Variants in ANKRD45 observed in about 807,000 individuals in gnomAD.
ANKRD45 encodes ankyrin repeat domain-containing protein 45.
In ANKRD45, 21 loss-of-function variants were observed where a neutral mutation model predicts 28.1. The ratio of observed to expected loss-of-function variants is 0.75; its 90% CI spans 0.53 to 1.08. The LOEUF is 1.08. ANKRD45 is among the 50% of genes least tolerant of loss of function. ANKRD45 has a pLI of 0.00. For missense variants in ANKRD45, 261 were observed against 308.7 expected (o/e 0.85, Z 1.16); for synonymous variants, 86 against 103.9 (o/e 0.83, Z 1.05).
At chr1:173,678,003 ATAACT>A in the ANKRD45 span, among the ~76,000 whole-genome samples, 9 of 152,334 alleles carry the variant, frequency 5.9e-5, no homozygotes, top group East Asian at 1.5e-3. Flanking sequence ...GTGGGGAAAA[ATAACT>A]TAACTGAGCT....
At chr1:173,664,384 A>G (rs1210443662) in intron 1 of ANKRD45, among the ~76,000 whole-genome samples, 2 of 152,230 alleles carry the variant, frequency 1.3e-5, no homozygotes, top group African/African-American at 4.8e-5. Flanking sequence ...CTTAGAGAAT[A>G]GAGGCAGGAT....
At chr1:173,677,651 G>A in the ANKRD45 span, among the ~76,000 whole-genome samples, 1 of 152,162 alleles carries the variant, frequency 6.6e-6, no homozygotes, top group Non-Finnish European at 1.5e-5. Context: ...ACTGCTGTCA[G>A]TGTTTAAGAC....
chr1:173,611,572 T>TAC (rs1383675554), intron 5 of ANKRD45, among the ~76,000 whole-genome samples: 3 of 106,312 alleles, frequency 2.8e-5, no homozygotes, highest in Non-Finnish European at 5.5e-5. Flanking sequence ...GCCTAATACA[T>TAC]ACATACACAC....
rs569404920 is a variant in ANKRD45, at chr1:173,613,674, G to A, written c.731-3459C>T. 3.1e-3 allele frequency among the ~76,000 whole-genome samples: 430 copies of A among 137,574 alleles called. 1 individual carries two copies. The highest frequency in any genetic ancestry group is 4.8e-3 in the Non-Finnish European group (327 of 67,622). The allele number at this position is 137,574 out of a possible 152,430, so 90.3% of individuals were successfully genotyped here. On this transcript the variant is annotated intron_variant, in intron 5 of 5. Coordinates refer to ENST00000333279, the MANE Select transcript of ANKRD45 (RefSeq NM_198493.3). ...GGGGGTCAGCCCCCGCCTGGCCGCC[G>A]CCCCGTCCGGGAGGTTGGGGGGCGC...
the ANKRD45 span, among the ~76,000 whole-genome samples, chr1:173,700,593 T>C: frequency 1.5e-4 from 23 of 152,318 alleles, 1 homozygote; most frequent in African/African-American, 5.1e-4. Flanking sequence ...ATTTAATAAA[T>C]GGTGCTGGGA....
At chr1:173,645,239 G>T (rs1668872536) in intron 3 of ANKRD45, among the ~76,000 whole-genome samples, 1 of 152,052 alleles carries the variant, frequency 6.6e-6, no homozygotes, top group African/African-American at 2.4e-5. Flanking sequence ...CAAGTTCCTT[G>T]TTTCTATCAA....
At chr1:173,663,497 T>A (rs1376872908) in intron 1 of ANKRD45, among the ~76,000 whole-genome samples, 1 of 152,180 alleles carries the variant, frequency 6.6e-6, no homozygotes, top group Non-Finnish European at 1.5e-5. Flanking sequence ...CCCTCTCTTC[T>A]TTTGGAATAG....
intron 3 of ANKRD45, chr1:173,635,923 G>A: frequency 1.8e-6 from 2 of 1,098,222 alleles, no homozygotes; most frequent in Non-Finnish European, 2.5e-6. Context: ...TTCTTTGAGA[G>A]AGGGTACCGT....
chr1:173,659,266 C>T lies in ANKRD45; in HGVS notation c.153G>A (p.Leu51=), dbSNP rs1669679801. The T allele has an allele frequency of 6.2e-7, 1 of 1,613,970 alleles. No individual in the cohort carries two copies. Among genetic ancestry groups the T allele is most frequent in the African/African-American group, 1.3e-5 (1 of 74,922 alleles). ...QPALTGDVEG[L]QKIFEDPENP... is the part of the protein sequence containing the mutation. ...TCTCAGGATCCTCAAATATCTTCTGCAAACCCTCTACATCCCCTGTGAGAG... is the reference window on the plus strand; with the variant it reads ...TCTCAGGATCCTCAAATATCTTCTGTAAACCCTCTACATCCCCTGTGAGAG... Residue 51 remains leucine (L), a synonymous_variant, in exon 2 of 6, where the codon TTG becomes TTA. Coordinates refer to ENST00000333279, the MANE Select transcript of ANKRD45 (RefSeq NM_198493.3).
chr1:173,677,149 C>A, the ANKRD45 span, among the ~76,000 whole-genome samples: 1 of 150,896 alleles, frequency 6.6e-6, no homozygotes, highest in Non-Finnish European at 1.5e-5. Flanking sequence ...TAAAATAAGT[C>A]ATTCATTTAA....
intron 1 of ANKRD45, among the ~76,000 whole-genome samples, chr1:173,664,915 A>G (rs1236861159): frequency 6.6e-6 from 1 of 152,114 alleles, no homozygotes; most frequent in Non-Finnish European, 1.5e-5. Context: ...TCACAATCCA[A>G]TCCCTCAATT....
intron 2 of ANKRD45, chr1:173,658,406 A>G (rs1181554236): frequency 6.6e-6 from 1 of 152,220 alleles, no homozygotes; most frequent in Non-Finnish European, 1.5e-5. Flanking sequence ...CTACTTTTTA[A>G]TTTTATTTTG....
the ANKRD45 span, among the ~76,000 whole-genome samples, chr1:173,687,971 T>C: frequency 6.6e-6 from 1 of 150,878 alleles, no homozygotes. Context: ...GAATTTTTAG[T>C]GGTTAATGTT....
At chr1:173,624,362 G>A (rs1262889642) in intron 5 of ANKRD45, among the ~76,000 whole-genome samples, 2 of 151,944 alleles carry the variant, frequency 1.3e-5, no homozygotes, top group Non-Finnish European at 2.9e-5. Flanking sequence ...GCATGGTAAT[G>A]CCTGCCTGTG....
chr1:173,708,063 A>G, the ANKRD45 span, among the ~76,000 whole-genome samples: 1 of 152,230 alleles, frequency 6.6e-6, no homozygotes, highest in Non-Finnish European at 1.5e-5. Flanking sequence ...TGTTTTAATA[A>G]TATCTCTTAG....
the ANKRD45 span, among the ~76,000 whole-genome samples, chr1:173,679,469 G>A: frequency 8.5e-5 from 13 of 152,246 alleles, no homozygotes; most frequent in South Asian, 4.1e-4. Context: ...TTTAATAAAC[G>A]GTGTTGGGAA....
chr1:173,614,059 G>A (rs1667350259), intron 5 of ANKRD45, among the ~76,000 whole-genome samples: 1 of 152,106 alleles, frequency 6.6e-6, no homozygotes, highest in South Asian at 2.1e-4. Flanking sequence ...TTAAACAGAT[G>A]CTTGAAGGCA....
At chr1:173,675,658 T>C in the ANKRD45 span, among the ~76,000 whole-genome samples, 1 of 152,040 alleles carries the variant, frequency 6.6e-6, no homozygotes, top group African/African-American at 2.4e-5. Context: ...GTCCAAACTG[T>C]AGAAAATAAT....
chr1:173,653,472 G>A (rs1669339692), intron 2 of ANKRD45, among the ~76,000 whole-genome samples: 2 of 152,038 alleles, frequency 1.3e-5, no homozygotes, highest in Admixed American at 6.6e-5. Flanking sequence ...ATAGTTTGCT[G>A]TGATTTTAGT....
Sources: allele counts gnomAD v4.1 joint callset (sites outside exome capture counted in the v4.1 genomes callset), GRCh38; gene constraint gnomAD v4.1.1; transcripts MANE v1.5; gene names NCBI Gene and HGNC (gene_info 2026-07-23, HGNC 2026-07-21).